SLC25A12: variants seen among roughly 807,000 people sequenced by gnomAD.
SLC25A12 encodes the protein electrogenic aspartate/glutamate antiporter SLC25A12, mitochondrial.
A neutral mutation model predicts 83.3 loss-of-function variants in SLC25A12; 32 were observed. That is an observed-to-expected ratio of 0.38 (90% CI 0.29 to 0.52). SLC25A12 has a LOEUF of 0.52. Ranked by LOEUF, SLC25A12 falls within the 20% of genes least tolerant of loss-of-function variation. The pLI, the probability that SLC25A12 is intolerant of heterozygous loss-of-function variation, is 0.84. For missense variants in SLC25A12, 611 were observed against 835.6 expected (o/e 0.73, Z 3.31); for synonymous variants, 267 against 291.1 (o/e 0.92, Z 0.84).
intron 13 of SLC25A12, among the ~76,000 whole-genome samples, chr2:171,803,837 GCA>G (rs1558912098): frequency 2.2e-5 from 3 of 136,782 alleles, no homozygotes; most frequent in South Asian, 5.0e-4. Context: ...ACACACGCGC[GCA>G]CACACATACT....
At chr2:171,790,466 C>G (rs1240092351) in intron 15 of SLC25A12, among the ~76,000 whole-genome samples, 1 of 152,196 alleles carries the variant, frequency 6.6e-6, no homozygotes, top group South Asian at 2.1e-4. Context: ...CAGAAGGAAG[C>G]ATCTTAGTAC....
chr2:171,850,103 C>A (rs1198706633), intron 4 of SLC25A12, among the ~76,000 whole-genome samples: 1 of 151,366 alleles, frequency 6.6e-6, no homozygotes, highest in African/African-American at 2.4e-5. Context: ...CATGCCTGGC[C>A]GCCATAGAAT....
chr2:171,848,520 T>G (rs531830342), intron 4 of SLC25A12, among the ~76,000 whole-genome samples: 118 of 152,262 alleles, frequency 7.7e-4, no homozygotes, highest in Non-Finnish European at 1.2e-3. Flanking sequence ...TCCTTGTACA[T>G]AGCTGAACAA....
intron 11 of SLC25A12, among the ~76,000 whole-genome samples, chr2:171,811,812 A>G (rs1383980457): frequency 1.3e-5 from 2 of 152,240 alleles, no homozygotes; most frequent in African/African-American, 4.8e-5. Flanking sequence ...TGAGAAGGCT[A>G]AACTATGCAG....
At chr2:171,855,524 A>T (rs370359955) in intron 4 of SLC25A12, among the ~76,000 whole-genome samples, 1 of 152,196 alleles carries the variant, frequency 6.6e-6, no homozygotes, top group African/African-American at 2.4e-5. Flanking sequence ...TGTTGTTCAA[A>T]ATCGACCTTG....
chr2:171,894,121 A>G (rs1443550410), intron 1 of SLC25A12, 82 bp downstream of exon 1: 3 of 1,526,022 alleles, frequency 2.0e-6, no homozygotes, highest in Admixed American at 1.9e-5. Flanking sequence ...AATGAATAAA[A>G]TGGGAAGCAG....
At chr2:171,876,308 AC>A (rs1412137329) in intron 2 of SLC25A12, among the ~76,000 whole-genome samples, 1 of 152,208 alleles carries the variant, frequency 6.6e-6, no homozygotes, top group African/African-American at 2.4e-5. Flanking sequence ...CTTGACTTCT[AC>A]AGGAGACAGT....
chr2:171,894,029 C>A (rs1296879144), intron 1 of SLC25A12, among the ~76,000 whole-genome samples, 174 bp downstream of exon 1: 17 of 152,300 alleles, frequency 1.1e-4, no homozygotes. Flanking sequence ...CCCAGCCGGG[C>A]ATCCCCTCCT....
At chr2:171,863,529 CAAAAA>C (rs56272846) in intron 3 of SLC25A12, among the ~76,000 whole-genome samples, 1 of 128,388 alleles carries the variant, frequency 7.8e-6, no homozygotes, top group Non-Finnish European at 1.7e-5. Flanking sequence ...CCGTCTCCGA[CAAAAA>C]AAAAAAAAAA....
chr2:171,792,370 C>T (rs1558907341), intron 14 of SLC25A12, among the ~76,000 whole-genome samples: 1 of 151,824 alleles, frequency 6.6e-6, no homozygotes, highest in Non-Finnish European at 1.5e-5. Flanking sequence ...TTGCTGTAGC[C>T]TTGACCGTCT....
In SLC25A12 at chr2:171,813,418, A is replaced by G. The variant is rs142962910; in HGVS notation, c.1092T>C (p.Val364=). 1 of 1,613,950 alleles carries G rather than the reference A, an allele frequency of 6.2e-7. No individual in the cohort carries two copies. Among genetic ancestry groups the G allele is most frequent in the Non-Finnish European group, 8.5e-7 (1 of 1,179,968 alleles). ...AGCTGTTTTTGTACATTAGCTCCCC[A>G]ACAACAGAGCCAGAGCCACGCTGGT... ...MQNQRGSGSV[V]GELMYKNSFD... is the part of the protein sequence containing the mutation. The change falls in exon 11 of 18, where the codon GTT becomes GTC. Residue 364 remains valine, a synonymous_variant. Transcript: ENST00000422440.
intron 3 of SLC25A12, among the ~76,000 whole-genome samples, chr2:171,864,513 A>G (rs1449577450): frequency 1.3e-5 from 2 of 152,154 alleles, no homozygotes; most frequent in South Asian, 2.1e-4. Flanking sequence ...CTCCAACTAC[A>G]TCTCCCCCAG....
At chr2:171,794,024 C>A (rs1324948295) in intron 13 of SLC25A12, among the ~76,000 whole-genome samples, 2 of 152,078 alleles carry the variant, frequency 1.3e-5, no homozygotes, top group African/African-American at 4.8e-5. Flanking sequence ...GTTTCTCAGA[C>A]CAGTCTTTCC....
chr2:171,837,117 T>A lies in SLC25A12; in HGVS notation c.612+4A>T. On this transcript the variant is annotated splice_donor_region_variant and intron_variant, in intron 6 of 17. Transcript: ENST00000422440. ...GAAAGTTAAAGAACTTGCTTTTTAC[T>A]TACTGAAACTAAGTTCTCCTCCACA... 6.2e-7 allele frequency: 1 copy of A among 1,613,832 alleles called. No individual in the cohort carries two copies. Among genetic ancestry groups the A allele is most frequent in the Non-Finnish European group, 8.5e-7 (1 of 1,179,850 alleles).
rs1355923599 is a variant in SLC25A12 at position 171,785,310 on chromosome 2, C to T, written c.2001G>A (p.Val667=). The change falls in exon 18 of 18, where the codon GTG becomes GTA. Residue 667 remains valine (V), a synonymous_variant. Coordinates refer to ENST00000422440, the MANE Select transcript of SLC25A12 (RefSeq NM_003705.5). ...LPKFKSPSVA[V]VQPKAAVAAT... is the part of the protein sequence containing the mutation. ...CTGCCACTGCTGCCTTTGGCTGAAC[C>T]ACAGCAACACTAGGAGACTTAAATT... The T allele has an allele frequency of 1.9e-6, 3 of 1,614,032 alleles. No individual in the cohort carries two copies. The Admixed American group carries it at 5.0e-5, about 27-fold the overall frequency.
intron 8 of SLC25A12, among the ~76,000 whole-genome samples, chr2:171,832,487 C>T (rs1684462388): frequency 6.6e-6 from 1 of 152,156 alleles, no homozygotes; most frequent in African/African-American, 2.4e-5. Flanking sequence ...ACTAGTTGTA[C>T]TTATGTTTAT....
chr2:171,854,184 G>A (rs758048928), intron 4 of SLC25A12, among the ~76,000 whole-genome samples: 15 of 152,212 alleles, frequency 9.9e-5, no homozygotes, highest in Non-Finnish European at 2.1e-4. Context: ...AGGTGTTTCT[G>A]AGGAAAGTCA....
intron 14 of SLC25A12, among the ~76,000 whole-genome samples, chr2:171,792,636 A>T (rs1683504270): frequency 6.6e-6 from 1 of 152,000 alleles, no homozygotes. Flanking sequence ...AAACATTGAA[A>T]AAAAAAAAAT....
At chr2:171,813,263 C>T (rs878919198) in intron 11 of SLC25A12, 76 bp downstream of exon 11, 1 of 1,498,404 alleles carries the variant, frequency 6.7e-7, no homozygotes, top group Non-Finnish European at 9.3e-7. Flanking sequence ...ATATTGGCTT[C>T]CATAATTAGT....
Sources: gnomAD v4.1 joint callset for allele counts (sites outside exome capture counted in the v4.1 genomes callset) on GRCh38, gnomAD v4.1.1 for gene constraint, MANE v1.5 for transcripts, NCBI Gene and HGNC (gene_info 2026-07-23, HGNC 2026-07-21) for gene names.